CUL9: variants seen among roughly 807,000 people sequenced by gnomAD.
CUL9 encodes the protein cullin-9.
A neutral mutation model predicts 272.6 loss-of-function variants in CUL9; 79 were observed. That is an observed-to-expected ratio of 0.29 (90% CI 0.24 to 0.35). The LOEUF is 0.35. Ranked by LOEUF, CUL9 falls within the 10% of genes least tolerant of loss-of-function variation. CUL9 has a pLI of 1.00. For missense variants in CUL9, 2,532 were observed against 3,255.6 expected, an observed-to-expected ratio of 0.78 and a Z score of 5.41; for synonymous variants, 1,186 against 1,286.5, an observed-to-expected ratio of 0.92 and a Z score of 1.67.
chr6:43,183,374 T>C (rs1255898769), intron 1 of CUL9, among the ~76,000 whole-genome samples: 3 of 152,170 alleles, frequency 2.0e-5, no homozygotes, highest in African/African-American at 7.2e-5. Flanking sequence ...TCCTATCCAG[T>C]CATTTGCCCC....
rs570353248 is a variant in CUL9, at chr6:43,215,748, A to C, written c.5937-410A>C. 1.7e-3 allele frequency among the ~76,000 whole-genome samples: 253 copies of C among 152,330 alleles called. 1 individual carries two copies. Among genetic ancestry groups the C allele is most frequent in the African/African-American group, 5.0e-3 (208 of 41,572 alleles). ...CTTTCTCAAACCTCAACATGGCGCC[A>C]GTGTTAAAATGCAGATTTAACAGCA... On this transcript the variant is annotated intron_variant, in intron 30 of 40. Coordinates refer to ENST00000252050, the MANE Select transcript of CUL9 (RefSeq NM_015089.4).
rs527880986 is a variant in CUL9, at chr6:43,206,541, C to A, written c.5212+31C>A. 4 of 1,605,828 alleles carry A rather than the reference C, an allele frequency of 2.5e-6. No homozygotes were observed. The highest frequency in any genetic ancestry group is 1.1e-5 in the South Asian group (1 of 90,898). Reference sequence around the variant, plus strand: ...GAACTAGGGAGAGGAAATTGGAGATCGGGGTGAGATTCGGGGTGGCAAGAG... The same window carrying A: ...GAACTAGGGAGAGGAAATTGGAGATAGGGGTGAGATTCGGGGTGGCAAGAG... On this transcript the variant is annotated intron_variant, in intron 26 of 40. Coordinates refer to ENST00000252050, the MANE Select transcript of CUL9 (RefSeq NM_015089.4). The surrounding 1 kb of genome is among the most constrained non-coding windows in gnomAD (Gnocchi z 4.8).
Position 43,221,846 on chromosome 6 carries a change from C to A in CUL9, c.6846+68C>A. On this transcript the variant is annotated intron_variant, in intron 35 of 40. Coordinates refer to ENST00000252050, the MANE Select transcript of CUL9 (RefSeq NM_015089.4). The surrounding 1 kb of genome is among the most constrained non-coding windows in gnomAD (Gnocchi z 4.2). ...TCGGGGAGGGGTGCTGCTACCAGGTCCTGGGCAGACAGGGCTCCTTGTGCA... is the reference window on the plus strand; with the variant it reads ...TCGGGGAGGGGTGCTGCTACCAGGTACTGGGCAGACAGGGCTCCTTGTGCA... 1.5e-6 allele frequency: 2 copies of A among 1,374,394 alleles called. No individual in the cohort carries two copies. The highest frequency in any genetic ancestry group is 1.8e-5 in the Admixed American group (1 of 55,488). 85.1% of individuals were successfully genotyped at this position (1,374,394 alleles called of 1,614,324 possible).
rs201191280 is a variant in CUL9 at position 43,200,397 on chromosome 6, C to T, written c.3385-39C>T. 44 of 1,613,736 alleles carry T rather than the reference C, an allele frequency of 2.7e-5. 1 individual carries two copies. In the South Asian group the frequency reaches 4.3e-4, roughly 16 times the overall value. Reference sequence around the variant, plus strand: ...TCTGGGCATTTCTCTGTGTTCCTCCCTCTCCTCTTCCTCATTCTCCCTGAT... The same window carrying T: ...TCTGGGCATTTCTCTGTGTTCCTCCTTCTCCTCTTCCTCATTCTCCCTGAT... On this transcript the variant is annotated intron_variant, in intron 14 of 40. Coordinates refer to ENST00000252050, the MANE Select transcript of CUL9 (RefSeq NM_015089.4). The surrounding 1 kb of genome is among the most constrained non-coding windows in gnomAD (Gnocchi z 4.0).
At chr6:43,191,507 C>CTTTTTTTTTTTTTTTTTTTTTTTTTG (rs1554167922) in intron 8 of CUL9, among the ~76,000 whole-genome samples, 1 of 73,122 alleles carries the variant, frequency 1.4e-5, no homozygotes, top group Non-Finnish European at 2.6e-5. Context: ...TTTTTTTTTA[C>CTTTTTTTTTTTTTTTTTTTTTTTTTG]TTTTTGTAGA....
Position 43,213,738 on chromosome 6 carries a change from G to T in CUL9, c.5514G>T (p.Gly1838=), listed in dbSNP as rs1217158877. ...HGGVLRLHEP[G]PQRSGEALWL... is the part of the protein sequence containing the mutation. Reference sequence around the variant, plus strand: ...GTGTGCTGCGGCTTCATGAGCCTGGGCCCCAGCGCAGTGGGGAGGCCCTGT... The same window carrying T: ...GTGTGCTGCGGCTTCATGAGCCTGGTCCCCAGCGCAGTGGGGAGGCCCTGT... Residue 1838 remains glycine, a synonymous_variant, in exon 29 of 41, where the codon GGG becomes GGT. Coordinates refer to ENST00000252050, the MANE Select transcript of CUL9 (RefSeq NM_015089.4). This position sits in a 1 kb window ranked among gnomAD's most constrained non-coding sequence, Gnocchi z 5.7. The T allele has an allele frequency of 6.2e-7, 1 of 1,613,626 alleles. No individual in the cohort carries two copies.
chr6:43,201,730 T>C (rs542071496), intron 16 of CUL9, among the ~76,000 whole-genome samples: 33 of 152,316 alleles, frequency 2.2e-4, no homozygotes, highest in Middle Eastern at 3.4e-3. Context: ...CCGCCCGCCT[T>C]GGCCTCCCAA....
chr6:43,186,492 T>A (rs1772926203), intron 4 of CUL9, 37 bp downstream of exon 4: 1 of 1,551,862 alleles, frequency 6.4e-7, no homozygotes, highest in Non-Finnish European at 8.7e-7. Context: ...TGTTGGGAGT[T>A]TATTTGGGGT....
intron 1 of CUL9, among the ~76,000 whole-genome samples, chr6:43,182,723 T>A (rs1772519550): frequency 6.6e-6 from 1 of 151,976 alleles, no homozygotes; most frequent in Admixed American, 6.6e-5. Context: ...CTCCCTCCTC[T>A]TCACCTCTAC....
chr6:43,188,776 C>A, intron 8 of CUL9, 61 bp downstream of exon 8: 2 of 1,372,160 alleles, frequency 1.5e-6, no homozygotes, highest in Non-Finnish European at 2.0e-6. Context: ...ATGGTGGTAG[C>A]GGGGAAGGAG....
chr6:43,214,363 G>A (rs563727337), intron 29 of CUL9, among the ~76,000 whole-genome samples: 1 of 152,284 alleles, frequency 6.6e-6, no homozygotes, highest in East Asian at 1.9e-4. Context: ...AGGTTACAGT[G>A]AGCCAAGACT....
chr6:43,183,224 C>T (rs114575770), intron 1 of CUL9, among the ~76,000 whole-genome samples: 1,679 of 152,246 alleles, frequency 0.011, 38 homozygotes, highest in African/African-American at 0.039. Flanking sequence ...CCATGATTAC[C>T]ACCTCTATCT....
intron 5 of CUL9, 48 bp downstream of exon 5, chr6:43,187,143 A>G: frequency 6.2e-7 from 1 of 1,608,704 alleles, no homozygotes; most frequent in Non-Finnish European, 8.5e-7. Context: ...ACAGAGGATT[A>G]GTGACTGGGA....
Position 43,200,999 on chromosome 6 carries a change from A to G in CUL9, c.3647+165A>G, listed in dbSNP as rs774189300. On this transcript the variant is annotated intron_variant, in intron 16 of 40. Coordinates refer to ENST00000252050, the MANE Select transcript of CUL9 (RefSeq NM_015089.4). This position sits in a 1 kb window ranked among gnomAD's most constrained non-coding sequence, Gnocchi z 4.0. ...ATTGACCTGCCTTTGCTGAGTATAG[A>G]CATCCCCTCACTCCCAGAGTCTGGT... Among the ~76,000 whole-genome samples, 1 of 152,232 alleles carries G rather than the reference A, an allele frequency of 6.6e-6. No individual in the cohort carries two copies. Among genetic ancestry groups the G allele is most frequent in the Non-Finnish European group, 1.5e-5 (1 of 68,044 alleles).
intron 8 of CUL9, among the ~76,000 whole-genome samples, chr6:43,189,649 T>A (rs1773258666): frequency 6.6e-6 from 1 of 152,096 alleles, no homozygotes; most frequent in Non-Finnish European, 1.5e-5. Flanking sequence ...GTTCAAGCAG[T>A]TCTTATGTCT....
chr6:43,196,641 C>A lies in CUL9; in HGVS notation c.2586-4C>A. The A allele has an allele frequency of 6.2e-7, 1 of 1,613,370 alleles. No homozygotes were observed. Among genetic ancestry groups the A allele is most frequent in the East Asian group, 2.2e-5 (1 of 44,876 alleles). ...TTTCTTCCTGGTCACCTCCCTCCTCCCAGGTGCTCTTCTGCAGCGAGAAAT... is the reference window on the plus strand; with the variant it reads ...TTTCTTCCTGGTCACCTCCCTCCTCACAGGTGCTCTTCTGCAGCGAGAAAT... On this transcript the variant is annotated splice_region_variant and splice_polypyrimidine_tract_variant and intron_variant, in intron 10 of 40. Coordinates refer to ENST00000252050, the MANE Select transcript of CUL9 (RefSeq NM_015089.4).
chr6:43,195,921 C>G (rs975551405), intron 9 of CUL9, 148 bp from the exon 10 acceptor site: 5 of 574,616 alleles, frequency 8.7e-6, no homozygotes, highest in Non-Finnish European at 1.2e-5. Context: ...TATTTGATGT[C>G]CCATCACTAC....
chr6:43,212,544 G>A (rs776488366), intron 26 of CUL9, among the ~76,000 whole-genome samples: 2 of 152,048 alleles, frequency 1.3e-5, no homozygotes, highest in Non-Finnish European at 2.9e-5. Context: ...AAATAATATG[G>A]TGGTTCTCTA....
At chr6:43,202,887 A>AC in intron 17 of CUL9, 66 bp downstream of exon 17, 1 of 1,478,090 alleles carries the variant, frequency 6.8e-7, no homozygotes, top group Non-Finnish European at 9.4e-7. Context: ...TGCCTGTGGG[A>AC]AGGACCTAGT....
Sources: allele counts gnomAD v4.1 joint callset (sites outside exome capture counted in the v4.1 genomes callset), GRCh38; gene constraint gnomAD v4.1.1; non-coding constraint Gnocchi (gnomAD v3.1); transcripts MANE v1.5; gene names NCBI Gene and HGNC (gene_info 2026-07-23, HGNC 2026-07-21).